Variants in HEPH observed in about 807,000 individuals in gnomAD.
HEPH encodes the protein hephaestin.
In HEPH, 69 loss-of-function variants were observed where a neutral mutation model predicts 80.8. The ratio of observed to expected loss-of-function variants is 0.85; its 90% CI spans 0.70 to 1.04. HEPH has a LOEUF of 1.04. Ranked by LOEUF, HEPH falls within the 50% of genes least tolerant of loss-of-function variation. The pLI, the probability that HEPH is intolerant of heterozygous loss-of-function variation, is 0.00. For missense variants in HEPH, 1,115 were observed against 891.3 expected (o/e 1.25, Z -3.20); for synonymous variants, 431 against 322.8 (o/e 1.34, Z -3.60).
At chrX:66,230,623 G>C (rs1324107373) in intron 15 of HEPH, among the ~76,000 whole-genome samples, 2 of 98,236 alleles carry the variant, frequency 2.0e-5, no homozygotes, top group African/African-American at 3.9e-5. Flanking sequence ...TGATGGGGTT[G>C]TTTGTTTTTT....
intron 13 of HEPH, among the ~76,000 whole-genome samples, chrX:66,204,664 A>T (rs2088662422): frequency 8.9e-6 from 1 of 111,825 alleles, no homozygotes; most frequent in Non-Finnish European, 1.9e-5. Context: ...ATTGATACTG[A>T]CTTTGAAAAC....
rs1357663881 is a variant in HEPH at position 66,203,905 on chromosome X, A to T, written c.2291+328A>T. The stretch of plus-strand genomic sequence containing the variant: ...ATGTCTCAAGCTCAGCTGTCCCTTG[A>T]CAAAATGGCATTGCATTTATTAAGG... On this transcript the variant is annotated intron_variant, in intron 13 of 20. Transcript: ENST00000343002. 3.5e-5 allele frequency among the ~76,000 whole-genome samples: 4 copies of T among 112,778 alleles called. No individual in the cohort carries two copies. The Admixed American group carries it at 3.7e-4, about 11-fold the overall frequency.
chrX:66,228,268 A>G (rs2089975104), intron 15 of HEPH, among the ~76,000 whole-genome samples: 1 of 112,676 alleles, frequency 8.9e-6, no homozygotes, highest in African/African-American at 3.2e-5. Context: ...CCCATGATTC[A>G]ATGATCTCCC....
chrX:66,258,971 C>T lies in HEPH; in HGVS notation c.3028C>T (p.Leu1010Phe). 1 of 1,199,227 alleles carries T rather than the reference C, an allele frequency of 8.3e-7. No homozygotes were observed. Among genetic ancestry groups the T allele is most frequent in the South Asian group, 1.9e-5 (1 of 53,660 alleles). ...CATCCACTTTCATGCAGAGAGCTTC[C>T]TCTATCGGGTGAGCTGGAAAATGGG... is the stretch of plus-strand genomic sequence containing the variant. ...HTIHFHAESF[L>F]YRNGENYRAD... Residue 1010 changes from leucine to phenylalanine, a missense_variant, in exon 18 of 21, where the codon CTC becomes TTC. Coordinates refer to ENST00000343002, the MANE Select transcript of HEPH (RefSeq NM_001367233.3).
At position 66,263,510 on chromosome X, in the gene HEPH, G is replaced by A. The variant is rs1004819096; in HGVS notation, c.3200-134G>A. The A allele has an allele frequency of 1.3e-5, 8 of 606,421 alleles. No homozygotes were observed. The East Asian group carries it at 1.8e-4, about 13-fold the overall frequency. 50.0% of individuals were successfully genotyped at this position (606,421 alleles called of 1,213,427 possible). On this transcript the variant is annotated intron_variant, in intron 19 of 20. Transcript: ENST00000343002. ...CAATATTGACTTGGACTATAAAGTA[G>A]TAAATTCTGCCTTTATTTTGCTTAC...
intron 13 of HEPH, among the ~76,000 whole-genome samples, chrX:66,204,983 G>A (rs904978452): frequency 1.8e-5 from 2 of 111,758 alleles, no homozygotes; most frequent in Non-Finnish European, 3.8e-5. Context: ...GGTATATTGT[G>A]CAATGCTACA....
At chrX:66,254,769 A>G (rs1167151531) in intron 15 of HEPH, among the ~76,000 whole-genome samples, 1 of 98,555 alleles carries the variant, frequency 1.0e-5, no homozygotes, top group Non-Finnish European at 2.0e-5. Flanking sequence ...GAAAAAGATG[A>G]TATTAAAAGC....
intron 15 of HEPH, among the ~76,000 whole-genome samples, chrX:66,245,315 G>A (rs866860311): frequency 6.3e-5 from 7 of 111,274 alleles, no homozygotes; most frequent in Middle Eastern, 4.7e-3. Flanking sequence ...ACAAAAAAAG[G>A]CAGGGGTTGC....
In HEPH at chrX:66,266,517, C is replaced by T; in HGVS notation, c.3322C>T (p.Leu1108=). 1.1e-5 allele frequency: 13 copies of T among 1,209,668 alleles called. No individual in the cohort carries two copies. Among genetic ancestry groups the T allele is most frequent in the Middle Eastern group, 2.3e-4 (1 of 4,353 alleles). Residue 1108 remains leucine (L), a synonymous_variant, in exon 21 of 21, where the codon CTG becomes TTG. Transcript: ENST00000343002. ...MQIPIKNVEM[L]ASVLVAISVT... ...GATCCCCATAAAGAATGTTGAGATG[C>T]TGGCCTCTGTTTTGGTTGCCATTAG...
chrX:66,169,285 T>A (rs1253430187), intron 1 of HEPH, among the ~76,000 whole-genome samples: 1 of 112,262 alleles, frequency 8.9e-6, no homozygotes, highest in East Asian at 2.8e-4. Context: ...ATTATTATTA[T>A]TCTGAAGTTG....
At position 66,175,754 on chromosome X, in the gene HEPH, T is replaced by C. The variant is rs776557799; in HGVS notation, c.625+1953T>C. On this transcript the variant is annotated intron_variant, in intron 4 of 20. Coordinates refer to ENST00000343002, the MANE Select transcript of HEPH (RefSeq NM_001367233.3). ...AGTTAGGTATATTCCTAAGTATGTATGTATGTATTTATTTTTTCAGCTATT... is the reference window on the plus strand; with the variant it reads ...AGTTAGGTATATTCCTAAGTATGTACGTATGTATTTATTTTTTCAGCTATT... Among the ~76,000 whole-genome samples, 4 of 110,680 alleles carry C rather than the reference T, an allele frequency of 3.6e-5. No individual in the cohort carries two copies. The East Asian group carries it at 1.1e-3, about 31-fold the overall frequency.
intron 9 of HEPH, among the ~76,000 whole-genome samples, chrX:66,196,154 GTTA>G (rs1320363418): frequency 9.0e-6 from 1 of 111,306 alleles, no homozygotes; most frequent in Admixed American, 9.6e-5. Flanking sequence ...GATATTAGAT[GTTA>G]TTAGGGAATT....
intron 15 of HEPH, among the ~76,000 whole-genome samples, chrX:66,243,012 G>C (rs1050532537): frequency 1.8e-5 from 2 of 111,718 alleles, no homozygotes; most frequent in African/African-American, 6.5e-5. Flanking sequence ...TCATTAATGG[G>C]TATATAACCA....
chrX:66,266,410 G>A (rs1403865735), intron 20 of HEPH, 30 bp from the exon 21 acceptor site: 1 of 1,136,680 alleles, frequency 8.8e-7, no homozygotes, highest in East Asian at 3.0e-5. Flanking sequence ...CCCCATCCCA[G>A]GATGCCCATT....
intron 2 of HEPH, among the ~76,000 whole-genome samples, chrX:66,172,052 C>T (rs2086617983): frequency 8.9e-6 from 1 of 111,991 alleles, no homozygotes; most frequent in Non-Finnish European, 1.9e-5. Context: ...GACGAGGAGT[C>T]GATCACTTAA....
At chrX:66,246,639 G>T (rs1009633479) in intron 15 of HEPH, among the ~76,000 whole-genome samples, 1 of 111,326 alleles carries the variant, frequency 9.0e-6, no homozygotes, top group African/African-American at 3.3e-5. Context: ...TCTTGCATAG[G>T]CTCCTGTGGA....
chrX:66,235,543 A>T (rs1330340152), intron 15 of HEPH, among the ~76,000 whole-genome samples: 2 of 111,025 alleles, frequency 1.8e-5, no homozygotes, highest in Non-Finnish European at 3.8e-5. Flanking sequence ...TGGGCTCATT[A>T]TCCTGTTATA....
In HEPH at chrX:66,256,200, A is replaced by C. The variant is rs750861316; in HGVS notation, c.2766A>C (p.Ala922=). The change falls in exon 17 of 21, where the codon GCA becomes GCC. Residue 922 remains alanine (A), a synonymous_variant. Transcript: ENST00000343002. ...GGAGTGACATGGATCGGGAATTTGC[A>C]TTGTTGTTCTTGATTTTTGATGAAA... ...GGRSDMDREF[A]LLFLIFDENK... 1 of 1,211,156 alleles carries C rather than the reference A, an allele frequency of 8.3e-7. No homozygotes were observed. The highest frequency in any genetic ancestry group is 2.2e-5 in the Admixed American group (1 of 46,023).
chrX:66,240,985 A>G (rs942202711), intron 15 of HEPH, among the ~76,000 whole-genome samples: 1 of 111,984 alleles, frequency 8.9e-6, no homozygotes, highest in Non-Finnish European at 1.9e-5. Flanking sequence ...TGAGGTCAGG[A>G]GTTTGCAATA....
Sources: allele counts gnomAD v4.1 joint callset (sites outside exome capture counted in the v4.1 genomes callset), GRCh38; gene constraint gnomAD v4.1.1; transcripts MANE v1.5; gene names NCBI Gene and HGNC (gene_info 2026-07-23, HGNC 2026-07-21).